Variants in CDIP1 observed in about 807,000 individuals in gnomAD.
CDIP1 encodes the protein cell death inducing p53 target 1, also known as cell death-inducing p53-target protein 1.
A neutral mutation model predicts 17.7 loss-of-function variants in CDIP1; 9 were observed. The ratio of observed to expected loss-of-function variants is 0.51; its 90% CI spans 0.31 to 0.89. CDIP1 has a LOEUF of 0.89. CDIP1 is among the 40% of genes least tolerant of loss of function. The pLI is 0.05. For missense variants in CDIP1, 263 were observed against 277.9 expected (o/e 0.95, Z 0.38); for synonymous variants, 117 against 109.5 (o/e 1.07, Z -0.43).
intron 1 of CDIP1, among the ~76,000 whole-genome samples, chr16:4,523,000 T>C (rs2141644171): frequency 6.6e-6 from 1 of 152,188 alleles, no homozygotes; most frequent in East Asian, 1.9e-4. Context: ...TAACGGGCCA[T>C]GCAGCGTGAG....
intron 1 of CDIP1, among the ~76,000 whole-genome samples, chr16:4,538,037 C>A (rs925337739): frequency 1.5e-4 from 23 of 152,326 alleles, no homozygotes; most frequent in African/African-American, 5.3e-4. Flanking sequence ...GGCCACGGGG[C>A]TCCTCCTCGA....
Position 4,530,439 on chromosome 16 carries a change from C to T in CDIP1, c.-105+8263G>A, listed in dbSNP as rs535873378. ...CTGAGGCAGTCGGATCACTTGAGGT[C>T]GGGAGTTCGAAACCAGCCCGACCAA... On this transcript the variant is annotated intron_variant, in intron 1 of 5. Transcript: ENST00000567695. 8.5e-5 allele frequency among the ~76,000 whole-genome samples: 13 copies of T among 152,114 alleles called. No homozygotes were observed. The South Asian group carries it at 2.3e-3, about 27-fold the overall frequency.
chr16:4,524,339 C>CA (rs939326031), intron 1 of CDIP1: 1 of 152,284 alleles, frequency 6.6e-6, no homozygotes, highest in African/African-American at 2.4e-5. Context: ...AGATCTCAAA[C>CA]AGCAATGTTC....
chr16:4,524,396 ACT>A (rs2058979404), intron 1 of CDIP1: 1 of 151,486 alleles, frequency 6.6e-6, no homozygotes, highest in African/African-American at 2.4e-5. Context: ...ACCCAAATCC[ACT>A]CTCTCCCCCA....
At position 4,514,721 on chromosome 16, in the gene CDIP1, AG is replaced by A. The variant is rs1261829056; in HGVS notation, c.-104-58del. On this transcript the variant is annotated intron_variant, in intron 1 of 5. Transcript: ENST00000567695. The surrounding 1 kb of genome is among the most constrained non-coding windows in gnomAD (Gnocchi z 5.2). ...AGCAGGGAGCAAGGGCTGCCAAGCCAGGGCTGGGCCCAGGGGCCTGGGCATA... is the reference window on the plus strand; with the variant it reads ...AGCAGGGAGCAAGGGCTGCCAAGCCAGGCTGGGCCCAGGGGCCTGGGCATA... The A allele has an allele frequency of 6.5e-6, 1 of 152,898 alleles. No individual in the cohort carries two copies. The highest frequency in any genetic ancestry group is 2.4e-5 in the African/African-American group (1 of 41,472). The allele number at this position is 152,898 out of a possible 1,614,324, so 9.5% of individuals were successfully genotyped here. A position where few individuals can be genotyped will look rare whatever the true frequency, so the allele number is the denominator to read the frequency against.
intron 1 of CDIP1, among the ~76,000 whole-genome samples, chr16:4,535,213 GATTGA>G (rs2059095814): frequency 6.6e-6 from 1 of 152,082 alleles, no homozygotes; most frequent in Non-Finnish European, 1.5e-5. Context: ...AATTAGCATT[GATTGA>G]ACAATTACAT....
rs1181032034 is a variant in CDIP1 at position 4,516,461 on chromosome 16, C to T, written c.-104-1797G>A. On this transcript the variant is annotated intron_variant, in intron 1 of 5. Transcript: ENST00000567695. ...AAAAATGAGGGAAAAGAAAATTAGT[C>T]CTACTGCAGCCCATCTCCACATGTC... is the stretch of plus-strand genomic sequence containing the variant. 3.9e-5 allele frequency among the ~76,000 whole-genome samples: 6 copies of T among 152,162 alleles called. No homozygotes were observed. The South Asian group carries it at 1.0e-3, about 26-fold the overall frequency.
At position 4,513,238 on chromosome 16, in the gene CDIP1, T is replaced by C. The variant is rs921559056; in HGVS notation, c.242-174A>G. ...GAGGCCTTACAGCTGGGGCCCTAAG[T>C]CAAGTGGGGCCACATTCTCCCAGCC... On this transcript the variant is annotated intron_variant, in intron 4 of 5. Coordinates refer to ENST00000567695, the MANE Select transcript of CDIP1 (RefSeq NM_013399.3). This position sits in a 1 kb window ranked among gnomAD's most constrained non-coding sequence, Gnocchi z 4.1. 3.6e-4 allele frequency among the ~76,000 whole-genome samples: 55 copies of C among 152,066 alleles called. No homozygotes were observed. Among genetic ancestry groups the C allele is most frequent in the African/African-American group, 1.3e-3 (53 of 41,406 alleles).
chr16:4,515,360 CA>C (rs1225886515), intron 1 of CDIP1, among the ~76,000 whole-genome samples: 1 of 152,086 alleles, frequency 6.6e-6, no homozygotes, highest in Non-Finnish European at 1.5e-5. Context: ...TGAAAGAGAT[CA>C]AAAAGCTGTT....
chr16:4,523,645 G>A (rs1398267288), intron 1 of CDIP1, among the ~76,000 whole-genome samples: 1 of 152,164 alleles, frequency 6.6e-6, no homozygotes, highest in African/African-American at 2.4e-5. Context: ...GTGGTATCGA[G>A]AAAGTCCAGG....
At chr16:4,528,781 G>A (rs1420028885) in intron 1 of CDIP1, among the ~76,000 whole-genome samples, 2 of 151,264 alleles carry the variant, frequency 1.3e-5, no homozygotes, top group Non-Finnish European at 2.9e-5. Context: ...CTGAGGTCAG[G>A]AGTTCGAGAC....
intron 1 of CDIP1, among the ~76,000 whole-genome samples, chr16:4,519,903 T>A (rs1390009241): frequency 6.6e-6 from 1 of 152,068 alleles, no homozygotes; most frequent in African/African-American, 2.4e-5. Flanking sequence ...CACCGTGCCA[T>A]CCTATAAAGC....
chr16:4,527,883 C>T (rs930586683), intron 1 of CDIP1, among the ~76,000 whole-genome samples: 2 of 152,006 alleles, frequency 1.3e-5, no homozygotes, highest in Admixed American at 6.6e-5. Context: ...ATGGTGCAGT[C>T]TAGGCTCACT....
chr16:4,529,300 G>A (rs910028393), intron 1 of CDIP1, among the ~76,000 whole-genome samples: 4 of 152,188 alleles, frequency 2.6e-5, no homozygotes, highest in African/African-American at 9.6e-5. Flanking sequence ...CCAGCAGGAG[G>A]TCACCTGACC....
At position 4,517,750 on chromosome 16, in the gene CDIP1, A is replaced by C. The variant is rs869158847; in HGVS notation, c.-104-3086T>G. 7.7e-5 allele frequency among the ~76,000 whole-genome samples: 11 copies of C among 142,092 alleles called. 1 individual carries two copies. Among genetic ancestry groups the C allele is most frequent in the African/African-American group, 2.3e-4 (9 of 39,754 alleles). The allele number at this position is 142,092 out of a possible 152,430, so 93.2% of individuals were successfully genotyped here. A position where few individuals can be genotyped will look rare whatever the true frequency, so the allele number is the denominator to read the frequency against. On this transcript the variant is annotated intron_variant, in intron 1 of 5. Coordinates refer to ENST00000567695, the MANE Select transcript of CDIP1 (RefSeq NM_013399.3). Reference sequence around the variant, plus strand: ...TGCGAGACCCTGTCTCAAAAAACAAAAAAAAAAAAAACAGAACAGGGAGTA... The same window carrying C: ...TGCGAGACCCTGTCTCAAAAAACAACAAAAAAAAAAACAGAACAGGGAGTA...
intron 1 of CDIP1, among the ~76,000 whole-genome samples, chr16:4,530,933 C>G (rs958459138): frequency 6.6e-6 from 1 of 152,114 alleles, no homozygotes; most frequent in African/African-American, 2.4e-5. Flanking sequence ...AAGTCAACAT[C>G]TGGCCCTGAG....
chr16:4,520,117 G>GT (rs34493542), intron 1 of CDIP1, among the ~76,000 whole-genome samples: 16,756 of 143,102 alleles, frequency 0.12, 1,792 homozygotes, highest in African/African-American at 0.29. Flanking sequence ...CAAGTGGTAG[G>GT]TTTTTTTTTT....
rs563468528 is a variant in CDIP1 at position 4,527,565 on chromosome 16, G to A, written c.-105+11137C>T. Among the ~76,000 whole-genome samples, 7 of 152,288 alleles carry A rather than the reference G, an allele frequency of 4.6e-5. No homozygotes were observed. The South Asian group carries it at 8.3e-4, about 18-fold the overall frequency. On this transcript the variant is annotated intron_variant, in intron 1 of 5. Coordinates refer to ENST00000567695, the MANE Select transcript of CDIP1 (RefSeq NM_013399.3). ...AACCACTCTCACTTGGTGACACTCC[G>A]TCCACAGCACGGGGCCACAGCATAG... is the stretch of plus-strand genomic sequence containing the variant.
chr16:4,520,117 G>GTT (rs34493542), intron 1 of CDIP1, among the ~76,000 whole-genome samples: 41 of 143,336 alleles, frequency 2.9e-4, no homozygotes, highest in African/African-American at 7.6e-4. Context: ...CAAGTGGTAG[G>GTT]TTTTTTTTTT....
Sources: allele counts gnomAD v4.1 joint callset (sites outside exome capture counted in the v4.1 genomes callset), GRCh38; gene constraint gnomAD v4.1.1; non-coding constraint Gnocchi (gnomAD v3.1); transcripts MANE v1.5; gene names NCBI Gene and HGNC (gene_info 2026-07-23, HGNC 2026-07-21).